The following TMTC2 variants were observed in gnomAD, a reference collection of about 807,000 sequenced individuals.
TMTC2 encodes the protein transmembrane O-mannosyltransferase targeting cadherins 2, also known as protein O-mannosyl-transferase TMTC2.
Under a neutral mutation model 82.4 loss-of-function variants are expected in TMTC2, and 43 were observed. The observed-to-expected ratio is 0.52, with a 90% CI of 0.41 to 0.67. The LOEUF (loss-of-function observed/expected upper bound fraction) is 0.67, where lower values mean the gene tolerates loss of function less well. TMTC2 is among the 30% of genes least tolerant of loss of function. The pLI is 0.00. For missense variants in TMTC2, 919 were observed against 1,012.4 expected, an observed-to-expected ratio of 0.91 and a Z score of 1.25; for synonymous variants, 408 against 381.9, an observed-to-expected ratio of 1.07 and a Z score of -0.80.
intron 1 of TMTC2, among the ~76,000 whole-genome samples, chr12:82,818,967 T>G (rs752374214): frequency 6.6e-6 from 1 of 152,102 alleles, no homozygotes; most frequent in Admixed American, 6.5e-5. Context: ...TAAATTTTGG[T>G]GTGAAAAGAT....
At chr12:82,889,974 A>T (rs1317622812) in intron 2 of TMTC2, among the ~76,000 whole-genome samples, 1 of 146,086 alleles carries the variant, frequency 6.8e-6, no homozygotes, top group Non-Finnish European at 1.5e-5. Context: ...TAGGTAACTA[A>T]CTAGAGATTT....
chr12:82,693,231 T>G (rs1349462491), intron 1 of TMTC2, among the ~76,000 whole-genome samples: 1 of 152,226 alleles, frequency 6.6e-6, no homozygotes, highest in African/African-American at 2.4e-5. Context: ...TGTTACCTTT[T>G]AATTATTTTA....
At chr12:83,113,210 C>T (rs1884651057) in intron 11 of TMTC2, among the ~76,000 whole-genome samples, 2 of 152,066 alleles carry the variant, frequency 1.3e-5, no homozygotes, top group African/African-American at 2.4e-5. Context: ...AAGGTAAGGA[C>T]GTAAGGTTTT....
Position 83,061,836 on chromosome 12 carries a change from G to A in TMTC2, c.2331+5G>A. The A allele has an allele frequency of 6.3e-7, 1 of 1,590,006 alleles. No individual in the cohort carries two copies. The highest frequency in any genetic ancestry group is 8.6e-7 in the Non-Finnish European group (1 of 1,168,266). On this transcript the variant is annotated splice_donor_5th_base_variant and intron_variant, in intron 11 of 11. Transcript: ENST00000321196. Reference sequence around the variant, plus strand: ...GCAGCCAGGCTGAGGCCTAATGTAAGTACTTCCCTAATGAGAAACATTTTC... The same window carrying A: ...GCAGCCAGGCTGAGGCCTAATGTAAATACTTCCCTAATGAGAAACATTTTC...
At chr12:82,727,991 G>A (rs1874550811) in intron 1 of TMTC2, among the ~76,000 whole-genome samples, 1 of 152,070 alleles carries the variant, frequency 6.6e-6, no homozygotes, top group Non-Finnish European at 1.5e-5. Context: ...GTAAGTCAAG[G>A]ATATGAGGTC....
intron 1 of TMTC2, among the ~76,000 whole-genome samples, chr12:82,737,159 A>G (rs952018083): frequency 5.3e-5 from 8 of 152,178 alleles, no homozygotes; most frequent in African/African-American, 1.2e-4. Context: ...TCTTTATACA[A>G]TTTTAACTAG....
intron 4 of TMTC2, among the ~76,000 whole-genome samples, chr12:82,937,389 C>A (rs1265321446): frequency 2.6e-5 from 4 of 152,086 alleles, no homozygotes; most frequent in East Asian, 1.9e-4. Flanking sequence ...GTATTTCTAT[C>A]TTCACATCGC....
At chr12:82,912,096 T>TAAACA (rs1874702425) in intron 3 of TMTC2, among the ~76,000 whole-genome samples, 3 of 152,220 alleles carry the variant, frequency 2.0e-5, no homozygotes, top group African/African-American at 7.2e-5. Flanking sequence ...AGTTCCTTTT[T>TAAACA]GCAAAACACA....
chr12:82,986,919 G>C (rs1879176025), intron 8 of TMTC2, among the ~76,000 whole-genome samples: 1 of 152,070 alleles, frequency 6.6e-6, no homozygotes, highest in Non-Finnish European at 1.5e-5. Context: ...TTCAATCTTA[G>C]TCTGAATCAA....
intron 2 of TMTC2, among the ~76,000 whole-genome samples, chr12:82,873,213 T>TTGTGTATG (rs1872298682): frequency 1.4e-5 from 2 of 143,636 alleles, no homozygotes; most frequent in African/African-American, 5.2e-5. Context: ...TTCAAAGATG[T>TTGTGTATG]TGTGTGTGTG....
At chr12:82,914,449 T>A (rs1036362332) in intron 3 of TMTC2, among the ~76,000 whole-genome samples, 2 of 152,228 alleles carry the variant, frequency 1.3e-5, no homozygotes, top group Admixed American at 1.3e-4. Context: ...CCTGATGTAC[T>A]ATATTTGAGA....
chr12:82,876,034 T>TGGTGGTGGC (rs1565788591), intron 2 of TMTC2, among the ~76,000 whole-genome samples: 17 of 78,112 alleles, frequency 2.2e-4, no homozygotes, highest in Non-Finnish European at 2.5e-4. Context: ...GTGGCGGTGG[T>TGGTGGTGGC]GGTGGTGGTG....
At chr12:83,109,343 A>C (rs1393647239) in intron 11 of TMTC2, among the ~76,000 whole-genome samples, 1 of 152,122 alleles carries the variant, frequency 6.6e-6, no homozygotes, top group Non-Finnish European at 1.5e-5. Context: ...TACCATGGAG[A>C]AAATCAGCCC....
At chr12:83,077,880 CTTTTT>C (rs751044763) in intron 11 of TMTC2, among the ~76,000 whole-genome samples, 6 of 92,964 alleles carry the variant, frequency 6.5e-5, no homozygotes, top group South Asian at 4.3e-4. Flanking sequence ...GACAATCTGT[CTTTTT>C]TTTTTTTTTT....
intron 8 of TMTC2, among the ~76,000 whole-genome samples, chr12:83,018,882 A>G (rs1880794316): frequency 6.6e-6 from 1 of 152,172 alleles, no homozygotes; most frequent in Non-Finnish European, 1.5e-5. Context: ...TGCATCTTTG[A>G]CCACCTACTA....
At chr12:83,129,890 T>C (rs1382992593) in intron 11 of TMTC2, among the ~76,000 whole-genome samples, 1 of 152,212 alleles carries the variant, frequency 6.6e-6, no homozygotes, top group African/African-American at 2.4e-5. Context: ...GTAGAGCTGG[T>C]ATTTGAACCT....
intron 1 of TMTC2, among the ~76,000 whole-genome samples, chr12:82,702,391 C>G (rs1873129034): frequency 1.3e-5 from 2 of 152,090 alleles, no homozygotes; most frequent in Admixed American, 1.3e-4. Context: ...TTCTCTAATC[C>G]ACATCTGTTC....
At chr12:83,127,645 T>C (rs1159761436) in intron 11 of TMTC2, among the ~76,000 whole-genome samples, 1 of 152,184 alleles carries the variant, frequency 6.6e-6, no homozygotes, top group Non-Finnish European at 1.5e-5. Flanking sequence ...TCTGTTATTT[T>C]CTTTCCAATC....
intron 1 of TMTC2, among the ~76,000 whole-genome samples, chr12:82,838,394 T>G (rs1160997093): frequency 6.6e-6 from 1 of 152,238 alleles, no homozygotes; most frequent in Non-Finnish European, 1.5e-5. Context: ...TTGTTTTGCT[T>G]GAAAGTTAGG....
Sources: gnomAD v4.1 joint callset for allele counts (sites outside exome capture counted in the v4.1 genomes callset) on GRCh38, gnomAD v4.1.1 for gene constraint, MANE v1.5 for transcripts, NCBI Gene and HGNC (gene_info 2026-07-23, HGNC 2026-07-21) for gene names.